WDR70: variants seen among roughly 807,000 people sequenced by gnomAD.
WDR70 encodes WD repeat-containing protein 70.
WDR70 carries 53 observed loss-of-function variants against 88.6 expected under a neutral mutation model. The observed-to-expected ratio is 0.60, with a 90% confidence interval of 0.48 to 0.75. The LOEUF (loss-of-function observed/expected upper bound fraction) is 0.75, where lower values mean the gene tolerates loss of function less well. Among genes scored for constraint, WDR70 ranks in the 30% least tolerant of loss-of-function variants. The pLI is 0.00. For synonymous variants in WDR70, 280 were observed against 270.0 expected, an observed-to-expected ratio of 1.04 and a Z score of -0.36; for missense variants, 610 against 823.2, an observed-to-expected ratio of 0.74 and a Z score of 3.17.
chr5:37,710,549 C>G (rs1238149767), intron 13 of WDR70, among the ~76,000 whole-genome samples: 2 of 152,126 alleles, frequency 1.3e-5, no homozygotes, highest in African/African-American at 4.8e-5. Context: ...AAGTGAGATG[C>G]TTTCCTCAAT....
intron 5 of WDR70, among the ~76,000 whole-genome samples, chr5:37,414,131 CA>C (rs1362145378): frequency 9.6e-6 from 1 of 104,660 alleles, no homozygotes; most frequent in Non-Finnish European, 1.9e-5. Flanking sequence ...GCAACAGGAG[CA>C]AAACTCTGTC....
At chr5:37,569,868 G>A (rs1286568387) in intron 9 of WDR70, among the ~76,000 whole-genome samples, 1 of 152,134 alleles carries the variant, frequency 6.6e-6, no homozygotes, top group Non-Finnish European at 1.5e-5. Context: ...TTGTAGAAAA[G>A]GGGCAGAAAT....
chr5:37,625,476 T>C (rs1004312257), intron 10 of WDR70, among the ~76,000 whole-genome samples: 10 of 152,128 alleles, frequency 6.6e-5, no homozygotes, highest in South Asian at 2.1e-4. Flanking sequence ...CATATGTATG[T>C]CGTCTTCTAT....
At chr5:37,673,050 C>T (rs966033043) in intron 10 of WDR70, among the ~76,000 whole-genome samples, 1 of 152,158 alleles carries the variant, frequency 6.6e-6, no homozygotes, top group Non-Finnish European at 1.5e-5. Context: ...TCTCTCTCCT[C>T]CCACCCTCCA....
chr5:37,414,465 T>C (rs886334536), intron 5 of WDR70, among the ~76,000 whole-genome samples: 1 of 152,220 alleles, frequency 6.6e-6, no homozygotes, highest in African/African-American at 2.4e-5. Flanking sequence ...CTGTCCATCT[T>C]ATATAGGTCC....
At chr5:37,406,299 C>A (rs1420835449) in intron 5 of WDR70, among the ~76,000 whole-genome samples, 1 of 152,216 alleles carries the variant, frequency 6.6e-6, no homozygotes, top group Non-Finnish European at 1.5e-5. Context: ...CTCCAATTCC[C>A]TGTCTCCATT....
intron 3 of WDR70, among the ~76,000 whole-genome samples, chr5:37,383,815 CCTCGTGATCCA>C (rs1210640409): frequency 6.7e-6 from 1 of 149,752 alleles, no homozygotes; most frequent in Non-Finnish European, 1.5e-5. Flanking sequence ...GATCTCCTGA[CCTCGTGATCCA>C]CTCGCCTTGG....
intron 10 of WDR70, among the ~76,000 whole-genome samples, chr5:37,658,367 A>G (rs923008480): frequency 6.6e-6 from 1 of 152,190 alleles, no homozygotes; most frequent in Non-Finnish European, 1.5e-5. Flanking sequence ...CCCTCTAGTC[A>G]TATATAATTC....
intron 7 of WDR70, among the ~76,000 whole-genome samples, chr5:37,464,812 A>C (rs1316906215): frequency 6.6e-6 from 1 of 152,212 alleles, no homozygotes; most frequent in East Asian, 1.9e-4. Context: ...CTGGATCTGG[A>C]CACTGGAGAA....
At chr5:37,607,117 A>G (rs976355670) in intron 10 of WDR70, among the ~76,000 whole-genome samples, 7 of 151,334 alleles carry the variant, frequency 4.6e-5, no homozygotes, top group Non-Finnish European at 1.0e-4. Flanking sequence ...TAGTTTTTGT[A>G]TTTTTGGTAG....
intron 7 of WDR70, among the ~76,000 whole-genome samples, chr5:37,472,963 G>A (rs749013117): frequency 2.0e-5 from 3 of 152,004 alleles, no homozygotes; most frequent in Admixed American, 6.5e-5. Context: ...CTGCCAAACA[G>A]TTCTCCAACA....
intron 6 of WDR70, among the ~76,000 whole-genome samples, chr5:37,439,077 C>G (rs1750571839): frequency 6.6e-6 from 1 of 152,036 alleles, no homozygotes; most frequent in Non-Finnish European, 1.5e-5. Flanking sequence ...GCCACCACAC[C>G]TGGCTAATTT....
At chr5:37,664,876 G>A (rs187326565) in intron 10 of WDR70, among the ~76,000 whole-genome samples, 17 of 152,324 alleles carry the variant, frequency 1.1e-4, no homozygotes, top group African/African-American at 3.8e-4. Flanking sequence ...TAGATAATAA[G>A]TTTTGGATTG....
At chr5:37,508,149 C>G (rs972617566) in intron 8 of WDR70, among the ~76,000 whole-genome samples, 1 of 151,944 alleles carries the variant, frequency 6.6e-6, no homozygotes, top group African/African-American at 2.4e-5. Flanking sequence ...GTTTGTGTCC[C>G]CCCCAAATAT....
chr5:37,629,892 C>T (rs1449782623), intron 10 of WDR70, among the ~76,000 whole-genome samples: 1 of 152,044 alleles, frequency 6.6e-6, no homozygotes, highest in East Asian at 1.9e-4. Context: ...TGGTGGTCGC[C>T]TCTTCCAATT....
chr5:37,704,315 C>G (rs967268708), intron 13 of WDR70, among the ~76,000 whole-genome samples: 1 of 152,212 alleles, frequency 6.6e-6, no homozygotes, highest in Non-Finnish European at 1.5e-5. Context: ...CAGAAATAAG[C>G]TGTGTTCTAC....
At position 37,471,510 on chromosome 5, in the gene WDR70, G is replaced by A. The variant is rs568397454; in HGVS notation, c.687-8324G>A. 1.9e-4 allele frequency among the ~76,000 whole-genome samples: 28 copies of A among 151,024 alleles called. 2 individuals are homozygous for A. In the South Asian group the frequency reaches 5.7e-3, roughly 31 times the overall value. ...GATTTTAAAAATATGGTGGATCTAG[G>A]GACTTTCGTTGGTTAAATAGGAGGC... On this transcript the variant is annotated intron_variant, in intron 7 of 17. Transcript: ENST00000265107.
At chr5:37,662,404 T>C (rs1049182036) in intron 10 of WDR70, among the ~76,000 whole-genome samples, 1 of 152,174 alleles carries the variant, frequency 6.6e-6, no homozygotes, top group Non-Finnish European at 1.5e-5. Context: ...GACTGATTTG[T>C]GTTCATCCCC....
chr5:37,464,481 A>G (rs1739099889), intron 7 of WDR70, among the ~76,000 whole-genome samples: 1 of 152,224 alleles, frequency 6.6e-6, no homozygotes. Context: ...ATTGCTAGCT[A>G]TAATAGGGTT....
Sources: gnomAD v4.1 joint callset for allele counts (sites outside exome capture counted in the v4.1 genomes callset) on GRCh38, gnomAD v4.1.1 for gene constraint, MANE v1.5 for transcripts, NCBI Gene and HGNC (gene_info 2026-07-23, HGNC 2026-07-21) for gene names.